The following CDK19 variants were observed in gnomAD, a reference collection of about 807,000 sequenced individuals.
CDK19 encodes cyclin dependent kinase 19.
In CDK19, 20 loss-of-function variants were observed where a neutral mutation model predicts 68.3. The observed-to-expected ratio is 0.29, with a 90% CI of 0.21 to 0.43. The LOEUF is 0.43. Among genes scored for constraint, CDK19 ranks in the 20% least tolerant of loss-of-function variants. The pLI is 1.00. For synonymous variants in CDK19, 221 were observed against 222.8 expected (o/e 0.99, Z 0.07); for missense variants, 339 against 623.5 (o/e 0.54, Z 4.86).
At chr6:110,649,200 T>C (rs1211017561) in intron 4 of CDK19, among the ~76,000 whole-genome samples, 1 of 151,938 alleles carries the variant, frequency 6.6e-6, no homozygotes, top group Non-Finnish European at 1.5e-5. Context: ...ATCAGTGGGA[T>C]AGAGCAGAGA....
intron 2 of CDK19, among the ~76,000 whole-genome samples, chr6:110,732,600 T>C (rs1337902058): frequency 2.6e-5 from 4 of 152,182 alleles, no homozygotes; most frequent in Non-Finnish European, 5.9e-5. Flanking sequence ...GCAACCATAT[T>C]AGACTTTTCC....
intron 2 of CDK19, among the ~76,000 whole-genome samples, chr6:110,717,184 T>A (rs1775470062): frequency 6.6e-6 from 1 of 151,772 alleles, no homozygotes; most frequent in Non-Finnish European, 1.5e-5. Context: ...TGGCTTGCTT[T>A]ATTTTTTTAT....
At chr6:110,759,404 TAAAAAAAAAAAA>T (rs1157889434) in intron 1 of CDK19, among the ~76,000 whole-genome samples, 2 of 57,208 alleles carry the variant, frequency 3.5e-5, no homozygotes, top group African/African-American at 1.5e-4. Flanking sequence ...GACTCCGTCT[TAAAAAAAAAAAA>T]AAAAAAAAAA....
intron 1 of CDK19, among the ~76,000 whole-genome samples, chr6:110,799,529 T>G (rs1261670177): frequency 6.6e-6 from 1 of 152,206 alleles, no homozygotes; most frequent in Non-Finnish European, 1.5e-5. Context: ...TAATACTTAA[T>G]ACAATGTAAA....
chr6:110,642,555 C>T (rs1307873314), intron 4 of CDK19, among the ~76,000 whole-genome samples: 1 of 152,054 alleles, frequency 6.6e-6, no homozygotes, highest in African/African-American at 2.4e-5. Context: ...TGATAAGTAC[C>T]ATGGAAAAGA....
At chr6:110,684,558 C>T (rs1772294409) in intron 2 of CDK19, among the ~76,000 whole-genome samples, 1 of 152,116 alleles carries the variant, frequency 6.6e-6, no homozygotes, top group Admixed American at 6.5e-5. Flanking sequence ...CCCTAGTTTT[C>T]TTGTCCTTCT....
At chr6:110,697,399 T>A (rs1198749047) in intron 2 of CDK19, among the ~76,000 whole-genome samples, 1 of 151,410 alleles carries the variant, frequency 6.6e-6, no homozygotes, top group Non-Finnish European at 1.5e-5. Flanking sequence ...TGCAAAAAAA[T>A]AAAATAAAAA....
chr6:110,648,902 A>G (rs557904591), intron 4 of CDK19, among the ~76,000 whole-genome samples: 103 of 151,898 alleles, frequency 6.8e-4, no homozygotes, highest in Non-Finnish European at 1.3e-3. Flanking sequence ...TATTTTTAGT[A>G]GAGACGGGGT....
intron 2 of CDK19, among the ~76,000 whole-genome samples, chr6:110,723,198 C>A (rs1430639750): frequency 1.3e-5 from 2 of 150,176 alleles, no homozygotes; most frequent in Non-Finnish European, 3.0e-5. Context: ...ACATTCGAGG[C>A]CGCCAGGTTA....
intron 2 of CDK19, among the ~76,000 whole-genome samples, chr6:110,709,419 T>C (rs1293238663): frequency 6.6e-6 from 1 of 151,600 alleles, no homozygotes; most frequent in African/African-American, 2.4e-5. Flanking sequence ...GACGAGTTGA[T>C]GGGTGCAGCA....
chr6:110,713,337 C>T lies in CDK19; in HGVS notation c.204+32789G>A, dbSNP rs1050430158. Among the ~76,000 whole-genome samples the T allele has an allele frequency of 2.7e-5, 4 of 150,812 alleles. No homozygotes were observed. In the Admixed American group the frequency reaches 2.7e-4, roughly 10 times the overall value. On this transcript the variant is annotated intron_variant, in intron 2 of 12. Coordinates refer to ENST00000368911, the MANE Select transcript of CDK19 (RefSeq NM_015076.5). ...TGTTGCATGCCTGTGGAGGCTGAGG[C>T]AGGACAATGGCGTGGACCCGGGAGG...
intron 2 of CDK19, among the ~76,000 whole-genome samples, chr6:110,701,729 G>A (rs1774026422): frequency 6.6e-6 from 1 of 152,086 alleles, no homozygotes. Flanking sequence ...TGATCAGATT[G>A]GGAAAAATTT....
chr6:110,646,419 C>T, intron 4 of CDK19: 1 of 1,493,310 alleles, frequency 6.7e-7, no homozygotes, highest in Non-Finnish European at 8.9e-7. Flanking sequence ...GGCGACATGG[C>T]CTTCCCGCGC....
At position 110,624,091 on chromosome 6, in the gene CDK19, AAT is replaced by A. The variant is rs554959022; in HGVS notation, c.861-731_861-730del. ...AAGCAAGTTGCAGAAGAAAATACAT[AAT>A]ATGTTACCATTTATAAAAAGTTGAA... On this transcript the variant is annotated intron_variant, in intron 8 of 12. Coordinates refer to ENST00000368911, the MANE Select transcript of CDK19 (RefSeq NM_015076.5). Among the ~76,000 whole-genome samples, 6 of 152,006 alleles carry A rather than the reference AAT, an allele frequency of 3.9e-5. No individual in the cohort carries two copies. In the East Asian group the frequency reaches 1.2e-3, roughly 29 times the overall value.
chr6:110,614,698 T>C lies in CDK19; in HGVS notation c.1378-32A>G, dbSNP rs1395325185. On this transcript the variant is annotated intron_variant, in intron 12 of 12. Coordinates refer to ENST00000368911, the MANE Select transcript of CDK19 (RefSeq NM_015076.5). The stretch of plus-strand genomic sequence containing the variant: ...GAAGGAAACAGGAAAAGGGAATTAC[T>C]GATGGAGGAAGAGGATGACTCAAGA... 3.7e-6 allele frequency: 6 copies of C among 1,611,638 alleles called. No individual in the cohort carries two copies. In the East Asian group the frequency reaches 8.9e-5, roughly 24 times the overall value.
chr6:110,759,536 G>A (rs377156438), intron 1 of CDK19, among the ~76,000 whole-genome samples: 2 of 148,922 alleles, frequency 1.3e-5, no homozygotes, highest in Non-Finnish European at 3.0e-5. Context: ...CTGGGAGTTC[G>A]AAGTTGCAGT....
chr6:110,622,730 C>T (rs1778794354), intron 10 of CDK19, 85 bp downstream of exon 10: 2 of 844,578 alleles, frequency 2.4e-6, no homozygotes, highest in African/African-American at 1.7e-5. Context: ...TTAAATACTT[C>T]AGTAGCAAGT....
chr6:110,778,629 C>T (rs1780584752), intron 1 of CDK19, among the ~76,000 whole-genome samples: 2 of 152,154 alleles, frequency 1.3e-5, no homozygotes, highest in South Asian at 2.1e-4. Context: ...CTCCATTATC[C>T]ATCCTCTTTG....
At chr6:110,805,973 C>CAAA (rs34834440) in intron 1 of CDK19, among the ~76,000 whole-genome samples, 19 of 95,396 alleles carry the variant, frequency 2.0e-4, no homozygotes, top group African/African-American at 6.8e-4. Flanking sequence ...TAACACTTCT[C>CAAA]AAAAAAAAAA....
Sources: allele counts gnomAD v4.1 joint callset (sites outside exome capture counted in the v4.1 genomes callset), GRCh38; gene constraint gnomAD v4.1.1; transcripts MANE v1.5; gene names NCBI Gene and HGNC (gene_info 2026-07-23, HGNC 2026-07-21).